The following TRHDE variants were observed in gnomAD, a reference collection of about 807,000 sequenced individuals.
TRHDE encodes the protein thyrotropin releasing hormone degrading enzyme.
In TRHDE, 72 loss-of-function variants were observed where a neutral mutation model predicts 125.7. The observed-to-expected ratio is 0.57, with a 90% CI of 0.47 to 0.70. The LOEUF (loss-of-function observed/expected upper bound fraction) is 0.70, where lower values mean the gene tolerates loss of function less well. TRHDE is among the 30% of genes least tolerant of loss of function. The pLI is 0.00. For synonymous variants in TRHDE, 509 were observed against 509.1 expected, an observed-to-expected ratio of 1.00 and a Z score of 0.00; for missense variants, 1,110 against 1,327.1, an observed-to-expected ratio of 0.84 and a Z score of 2.54.
chr12:72,288,206 A>G (rs1879963438), intron 2 of TRHDE, among the ~76,000 whole-genome samples: 2 of 152,184 alleles, frequency 1.3e-5, no homozygotes, highest in Non-Finnish European at 1.5e-5. Context: ...ACAGCAAAAT[A>G]GGTGAATAGA....
At chr12:72,259,119 C>A (rs1878887464) in intron 2 of TRHDE, among the ~76,000 whole-genome samples, 1 of 152,068 alleles carries the variant, frequency 6.6e-6, no homozygotes, top group South Asian at 2.1e-4. Context: ...TTATTGATGT[C>A]TTGCTTGAAT....
intron 12 of TRHDE, among the ~76,000 whole-genome samples, chr12:72,599,495 T>C (rs868791745): frequency 6.6e-6 from 1 of 152,170 alleles, no homozygotes; most frequent in Non-Finnish European, 1.5e-5. Flanking sequence ...TTTTTCATGT[T>C]TCTTGGCTAC....
In TRHDE at chr12:72,665,155, G is replaced by A. The variant is rs954266151; in HGVS notation, c.*1960G>A. On this transcript the variant is annotated 3_prime_UTR_variant, in exon 19 of 19. Coordinates refer to ENST00000261180, the MANE Select transcript of TRHDE (RefSeq NM_013381.3). ...CCCAAATATGTGGTCTATCACCACT[G>A]AATTCATGTAATAGATAAGAAAAAA... The A allele has an allele frequency of 3.3e-5, 5 of 151,962 alleles. No individual in the cohort carries two copies. Among genetic ancestry groups the A allele is most frequent in the African/African-American group, 1.2e-4 (5 of 41,406 alleles). 9.4% of individuals were successfully genotyped at this position (151,962 alleles called of 1,614,324 possible). A position where few individuals can be genotyped will look rare whatever the true frequency, so the allele number is the denominator to read the frequency against.
In TRHDE at chr12:72,236,922, C is replaced by T. The variant is rs145953696; in HGVS notation, n.279+131170C>T. Among the ~76,000 whole-genome samples, 84 of 152,218 alleles carry T rather than the reference C, an allele frequency of 5.5e-4. No homozygotes were observed. The Middle Eastern group carries it at 0.01, about 18-fold the overall frequency. ...TTGTACCCTAACAAAAGAAATCTTGCAATGCTGTCAAAGCTTATATGGGTT... is the reference window on the plus strand; with the variant it reads ...TTGTACCCTAACAAAAGAAATCTTGTAATGCTGTCAAAGCTTATATGGGTT... On this transcript the variant is annotated intron_variant and non_coding_transcript_variant, in intron 2 of 4. Coordinates refer to the TRHDE transcript ENST00000548156.
intron 2 of TRHDE, among the ~76,000 whole-genome samples, chr12:72,304,472 G>C (rs1868309342): frequency 6.6e-6 from 1 of 152,098 alleles, no homozygotes; most frequent in Non-Finnish European, 1.5e-5. Context: ...TTGTCAGAGT[G>C]ATCCCGCCAG....
rs565518356 is a variant in TRHDE, at chr12:72,228,314, A to G, written n.279+122562A>G. The stretch of plus-strand genomic sequence containing the variant: ...TTACTTCTGTGCAACTAGAGGCCCA[A>G]CACCACATGTAAGCTTCCAAGGCTT... On this transcript the variant is annotated intron_variant and non_coding_transcript_variant, in intron 2 of 4. Coordinates refer to the TRHDE transcript ENST00000548156. 1.1e-4 allele frequency among the ~76,000 whole-genome samples: 17 copies of G among 152,296 alleles called. No individual in the cohort carries two copies. The East Asian group carries it at 2.5e-3, about 23-fold the overall frequency.
chr12:72,222,674 T>C (rs1258720895), intron 2 of TRHDE, among the ~76,000 whole-genome samples: 1 of 152,114 alleles, frequency 6.6e-6, no homozygotes, highest in African/African-American at 2.4e-5. Context: ...GTCCTTCATG[T>C]GGATGTCACG....
chr12:72,517,677 C>G (rs1057048890), intron 6 of TRHDE, among the ~76,000 whole-genome samples: 2 of 151,746 alleles, frequency 1.3e-5, no homozygotes, highest in South Asian at 4.2e-4. Flanking sequence ...TATTTCTTGC[C>G]TTCTGCTAGC....
rs1414789961 is a variant in TRHDE, at chr12:72,610,492, C to T, written c.2322-8399C>T. 5.9e-5 allele frequency among the ~76,000 whole-genome samples: 9 copies of T among 152,202 alleles called. 1 individual carries two copies. Among genetic ancestry groups the T allele is most frequent in the Admixed American group, 2.0e-4 (3 of 15,278 alleles). ...AGAGTCACCCTTTTAAAGCGTAAATCAGATCGTGTCATTTCCCAGCTCAAA... is the reference window on the plus strand; with the variant it reads ...AGAGTCACCCTTTTAAAGCGTAAATTAGATCGTGTCATTTCCCAGCTCAAA... On this transcript the variant is annotated intron_variant, in intron 12 of 18. Coordinates refer to ENST00000261180, the MANE Select transcript of TRHDE (RefSeq NM_013381.3).
chr12:72,356,891 T>G (rs181118983), intron 2 of TRHDE, among the ~76,000 whole-genome samples: 32 of 151,642 alleles, frequency 2.1e-4, no homozygotes, highest in Admixed American at 2.0e-3. Flanking sequence ...ATCATTTTGT[T>G]AGGTTGATAA....
chr12:72,195,852 G>C (rs1877430707), intron 2 of TRHDE, among the ~76,000 whole-genome samples: 2 of 151,784 alleles, frequency 1.3e-5, no homozygotes, highest in Non-Finnish European at 2.9e-5. Flanking sequence ...TTCTTATTGT[G>C]TGAGGTCTTT....
intron 1 of TRHDE, among the ~76,000 whole-genome samples, chr12:72,274,254 GTTGT>G (rs1176658572): frequency 5.9e-5 from 9 of 152,236 alleles, no homozygotes; most frequent in African/African-American, 1.4e-4. Flanking sequence ...GGCGACTCCG[GTTGT>G]TTGTTTATGA....
chr12:72,559,426 G>T (rs1217386525), intron 7 of TRHDE, among the ~76,000 whole-genome samples: 1 of 152,154 alleles, frequency 6.6e-6, no homozygotes. Context: ...GCAGGCTCTT[G>T]TTACTGCATT....
chr12:72,367,581 A>T (rs536639347), intron 2 of TRHDE, among the ~76,000 whole-genome samples: 6 of 151,890 alleles, frequency 4.0e-5, no homozygotes, highest in African/African-American at 1.2e-4. Flanking sequence ...TAAGACTAAT[A>T]CTCCTGAGCT....
chr12:72,533,536 T>C (rs1868673671), intron 6 of TRHDE, among the ~76,000 whole-genome samples: 1 of 152,176 alleles, frequency 6.6e-6, no homozygotes, highest in East Asian at 1.9e-4. Context: ...AATATTCTTA[T>C]TTTAGTTTTA....
chr12:72,110,309 C>T (rs544738751), intron 2 of TRHDE, among the ~76,000 whole-genome samples: 9 of 152,154 alleles, frequency 5.9e-5, no homozygotes, highest in Non-Finnish European at 1.0e-4. Context: ...GCATTTCATT[C>T]CTACAACAGT....
intron 3 of TRHDE, among the ~76,000 whole-genome samples, chr12:72,446,281 C>G (rs1875280176): frequency 6.6e-6 from 1 of 151,054 alleles, no homozygotes; most frequent in Non-Finnish European, 1.5e-5. Flanking sequence ...GGGTATATCT[C>G]CTAATGCTAT....
At chr12:72,476,075 CCGGG>C (rs1876878599) in intron 5 of TRHDE, among the ~76,000 whole-genome samples, 1 of 151,978 alleles carries the variant, frequency 6.6e-6, no homozygotes, top group Admixed American at 6.6e-5. Flanking sequence ...AGCCACCACG[CCGGG>C]CTAATTTTTG....
At chr12:72,247,447 A>G (rs563926552) in intron 2 of TRHDE, among the ~76,000 whole-genome samples, 3 of 152,254 alleles carry the variant, frequency 2.0e-5, no homozygotes, top group Non-Finnish European at 4.4e-5. Flanking sequence ...CCATATTTTG[A>G]GAACTTCTAT....
Sources: gnomAD v4.1 joint callset for allele counts (sites outside exome capture counted in the v4.1 genomes callset) on GRCh38, gnomAD v4.1.1 for gene constraint, MANE v1.5 for transcripts, NCBI Gene and HGNC (gene_info 2026-07-23, HGNC 2026-07-21) for gene names.